NRXN1: variants seen among roughly 807,000 people sequenced by gnomAD.
NRXN1 encodes neurexin 1.
A neutral mutation model predicts 150.9 loss-of-function variants in NRXN1; 39 were observed. The ratio of observed to expected loss-of-function variants is 0.26; its 90% CI spans 0.20 to 0.34. The LOEUF (loss-of-function observed/expected upper bound fraction) is 0.34, where lower values mean the gene tolerates loss of function less well. NRXN1 is among the 10% of genes least tolerant of loss of function. NRXN1 has a pLI of 1.00. For synonymous variants in NRXN1, 924 were observed against 757.0 expected (o/e 1.22, Z -3.62); for missense variants, 1,815 against 1,949.9 (o/e 0.93, Z 1.30).
At position 50,917,655 on chromosome 2, in the gene NRXN1, C is replaced by T. The variant is rs563238453; in HGVS notation, c.832+4214G>A. The T allele has an allele frequency of 2.6e-5, 4 of 151,678 alleles. No homozygotes were observed. The South Asian group carries it at 8.3e-4, about 31-fold the overall frequency. 9.4% of individuals were successfully genotyped at this position (151,678 alleles called of 1,614,324 possible). On this transcript the variant is annotated intron_variant, in intron 5 of 22. Coordinates refer to ENST00000401669, the MANE Select transcript of NRXN1 (RefSeq NM_001330078.2). Reference sequence around the variant, plus strand: ...AGACACTCCAGAGAGCTCTCTTTCTCCCTTTCAAGTGAGGACACAAAGAGA... The same window carrying T: ...AGACACTCCAGAGAGCTCTCTTTCTTCCTTTCAAGTGAGGACACAAAGAGA...
chr2:50,874,751 G>A (rs1410519661), intron 5 of NRXN1, among the ~76,000 whole-genome samples: 1 of 151,646 alleles, frequency 6.6e-6, no homozygotes, highest in Non-Finnish European at 1.5e-5. Flanking sequence ...CATTTCCTGT[G>A]GGGCCCTCCC....
At chr2:50,600,225 C>A (rs867594509) in intron 8 of NRXN1, among the ~76,000 whole-genome samples, 1 of 150,468 alleles carries the variant, frequency 6.6e-6, no homozygotes, top group Non-Finnish European at 1.5e-5. Context: ...TACATCCTTC[C>A]AGGGATAGAT....
chr2:50,436,285 C>G (rs1201387736), intron 17 of NRXN1, among the ~76,000 whole-genome samples: 2 of 152,072 alleles, frequency 1.3e-5, no homozygotes, highest in African/African-American at 2.4e-5. Context: ...AAAACCGCGT[C>G]TCTACTAAAA....
chr2:49,943,071 T>C (rs1672286916), intron 22 of NRXN1, among the ~76,000 whole-genome samples: 1 of 152,118 alleles, frequency 6.6e-6, no homozygotes, highest in Non-Finnish European at 1.5e-5. Flanking sequence ...CACTTAATGG[T>C]ATAAGGGCTG....
intron 5 of NRXN1, among the ~76,000 whole-genome samples, chr2:50,630,341 G>A (rs900248370): frequency 4.6e-5 from 7 of 151,322 alleles, no homozygotes; most frequent in African/African-American, 9.7e-5. Context: ...TCTACTTTAC[G>A]GGAAAAAAAA....
intron 5 of NRXN1, among the ~76,000 whole-genome samples, chr2:50,894,317 G>A (rs1185861696): frequency 6.7e-6 from 1 of 148,968 alleles, no homozygotes; most frequent in African/African-American, 2.5e-5. Flanking sequence ...GTCTAAAACA[G>A]TAAAATAAAA....
intron 17 of NRXN1, among the ~76,000 whole-genome samples, chr2:50,398,040 A>C (rs545034304): frequency 6.6e-6 from 1 of 152,246 alleles, no homozygotes; most frequent in South Asian, 2.1e-4. Flanking sequence ...TGTTGGAAAA[A>C]AACATCATAT....
At chr2:50,585,119 A>G (rs1488129809) in intron 8 of NRXN1, among the ~76,000 whole-genome samples, 1 of 152,182 alleles carries the variant, frequency 6.6e-6, no homozygotes, top group East Asian at 1.9e-4. Context: ...GTAGTAGTTT[A>G]GCCCATGAAT....
At chr2:50,406,379 C>T (rs1011296490) in intron 17 of NRXN1, among the ~76,000 whole-genome samples, 1 of 152,082 alleles carries the variant, frequency 6.6e-6, no homozygotes, top group Non-Finnish European at 1.5e-5. Flanking sequence ...TTGTGAAGAG[C>T]AAAGGAAATG....
chr2:49,955,736 T>C (rs979995201), intron 21 of NRXN1, among the ~76,000 whole-genome samples: 12 of 152,146 alleles, frequency 7.9e-5, no homozygotes, highest in African/African-American at 2.7e-4. Flanking sequence ...TATTCCTTTG[T>C]AATGTTTTCC....
At chr2:50,770,884 A>T (rs1220363798) in intron 5 of NRXN1, among the ~76,000 whole-genome samples, 1 of 152,098 alleles carries the variant, frequency 6.6e-6, no homozygotes, top group Admixed American at 6.6e-5. Flanking sequence ...CATACTTCAG[A>T]TATTCAATAC....
At chr2:50,352,689 T>C (rs982673862) in intron 17 of NRXN1, among the ~76,000 whole-genome samples, 1 of 151,044 alleles carries the variant, frequency 6.6e-6, no homozygotes, top group South Asian at 2.1e-4. Flanking sequence ...CCCCTGATCC[T>C]GTTACCCCTC....
intron 8 of NRXN1, among the ~76,000 whole-genome samples, chr2:50,583,555 A>C (rs79429130): frequency 1.1e-3 from 166 of 152,292 alleles, no homozygotes; most frequent in Non-Finnish European, 2.1e-3. Flanking sequence ...ACATCATGTT[A>C]ATTTTTGTAT....
chr2:50,938,607 C>G (rs1381561587), intron 2 of NRXN1, among the ~76,000 whole-genome samples: 1 of 152,146 alleles, frequency 6.6e-6, no homozygotes, highest in Non-Finnish European at 1.5e-5. Context: ...TTTCACACTG[C>G]TATAAAGAAC....
At chr2:50,908,825 G>A (rs1285587715) in intron 5 of NRXN1, among the ~76,000 whole-genome samples, 1 of 151,914 alleles carries the variant, frequency 6.6e-6, no homozygotes, top group Non-Finnish European at 1.5e-5. Context: ...TTAAGAAGAG[G>A]AAGAGAGACC....
intron 5 of NRXN1, among the ~76,000 whole-genome samples, chr2:50,894,638 A>C (rs962721768): frequency 1.3e-5 from 2 of 152,164 alleles, no homozygotes; most frequent in African/African-American, 4.8e-5. Context: ...TCAGTCCATG[A>C]GATTAACATA....
At chr2:49,992,150 A>C (rs1682075691) in intron 21 of NRXN1, among the ~76,000 whole-genome samples, 2 of 152,194 alleles carry the variant, frequency 1.3e-5, no homozygotes, top group Non-Finnish European at 2.9e-5. Context: ...AGAAAAACCT[A>C]GATGACCTTG....
chr2:50,104,726 G>T (rs1285778972), intron 18 of NRXN1, among the ~76,000 whole-genome samples: 2 of 152,026 alleles, frequency 1.3e-5, no homozygotes, highest in Admixed American at 6.6e-5. Context: ...TATCAGAGCT[G>T]TGATTTTTCA....
At chr2:49,982,884 C>T (rs1680209446) in intron 21 of NRXN1, among the ~76,000 whole-genome samples, 1 of 152,138 alleles carries the variant, frequency 6.6e-6, no homozygotes, top group African/African-American at 2.4e-5. Context: ...GATCTTGAAA[C>T]AATCTGTTAA....
Sources: gnomAD v4.1 joint callset for allele counts (sites outside exome capture counted in the v4.1 genomes callset) on GRCh38, gnomAD v4.1.1 for gene constraint, MANE v1.5 for transcripts, NCBI Gene and HGNC (gene_info 2026-07-23, HGNC 2026-07-21) for gene names.